Variants in SNW1 observed in about 807,000 individuals in gnomAD.
SNW1 encodes SNW domain-containing protein 1.
SNW1 carries 9 observed loss-of-function variants against 75.6 expected under a neutral mutation model. The ratio of observed to expected loss-of-function variants is 0.12; its 90% CI spans 0.07 to 0.21. The LOEUF (loss-of-function observed/expected upper bound fraction) is 0.21, where lower values mean the gene tolerates loss of function less well. Among genes scored for constraint, SNW1 ranks in the 10% least tolerant of loss-of-function variants. The pLI, the probability that SNW1 is intolerant of heterozygous loss-of-function variation, is 1.00. For synonymous variants in SNW1, 200 were observed against 219.1 expected, an observed-to-expected ratio of 0.91 and a Z score of 0.77; for missense variants, 409 against 670.9, an observed-to-expected ratio of 0.61 and a Z score of 4.31.
intron 8 of SNW1, among the ~76,000 whole-genome samples, chr14:77,732,810 G>A (rs1462525392): frequency 7.9e-5 from 12 of 152,276 alleles, no homozygotes; most frequent in African/African-American, 2.9e-4. Context: ...GACCATAGGC[G>A]TGCGCCACAC....
chr14:77,722,342 T>C lies in SNW1; in HGVS notation c.1130+839A>G, dbSNP rs1391696957. 10 of 313,972 alleles carry C rather than the reference T, an allele frequency of 3.2e-5. No individual in the cohort carries two copies. In the East Asian group the frequency reaches 7.7e-4, roughly 24 times the overall value. 19.4% of individuals were successfully genotyped at this position (313,972 alleles called of 1,614,324 possible). A position where few individuals can be genotyped will look rare whatever the true frequency, so the allele number is the denominator to read the frequency against. ...TGCTTTGCAAATTTTCTCAAATTAT[T>C]TTATGGATAGCTCTGTCTTTCTGAA... On this transcript the variant is annotated intron_variant, in intron 11 of 13. Coordinates refer to ENST00000261531, the MANE Select transcript of SNW1 (RefSeq NM_012245.3).
rs780287550 is a variant in SNW1, at chr14:77,751,361, A to T, written c.288T>A (p.Ile96=). 6.2e-7 allele frequency: 1 copy of T among 1,613,788 alleles called. No individual in the cohort carries two copies. The highest frequency in any genetic ancestry group is 1.1e-5 in the South Asian group (1 of 90,984). ...CTTGTCGAGCAATTGCATCATATTT[A>T]ATTTTTCCTTCAGAATCCACCTGAA... The part of the protein sequence containing the change: ...LAIQVDSEGK[I]KYDAIARQGQ... The change falls in exon 3 of 14, where the codon ATT becomes ATA. Residue 96 remains isoleucine (I), a synonymous_variant. Coordinates refer to ENST00000261531, the MANE Select transcript of SNW1 (RefSeq NM_012245.3).
chr14:77,738,803 T>G lies in SNW1; in HGVS notation c.508A>C (p.Lys170Gln). 6.2e-7 allele frequency: 1 copy of G among 1,614,166 alleles called. No individual in the cohort carries two copies. Among genetic ancestry groups the G allele is most frequent in the East Asian group, 2.2e-5 (1 of 44,884 alleles). ...AAAMPVRAAD[K>Q]LAPAQYIRYT... ...CGGATATACTGAGCAGGAGCCAATT[T>G]GTCAGCTGCTCGAACTGGCATGGCT... is the stretch of plus-strand genomic sequence containing the variant. Residue 170 changes from lysine (K) to glutamine (Q), a missense_variant, in exon 5 of 14, where the codon AAA (lysine) becomes CAA (glutamine). This residue lies in a region of SNW1 where 70 missense variants were observed against 136.7 expected (regional missense o/e 0.51). Coordinates refer to ENST00000261531, the MANE Select transcript of SNW1 (RefSeq NM_012245.3).
chr14:77,749,286 G>A (rs182166311), intron 3 of SNW1, among the ~76,000 whole-genome samples: 7 of 152,330 alleles, frequency 4.6e-5, no homozygotes, highest in Admixed American at 4.6e-4. Flanking sequence ...TGTGTTAAGA[G>A]ACTTTTGCCA....
At chr14:77,756,421 G>A (rs923414277) in intron 1 of SNW1, among the ~76,000 whole-genome samples, 6 of 152,084 alleles carry the variant, frequency 3.9e-5, no homozygotes, top group African/African-American at 7.2e-5. Flanking sequence ...GAGCCACCAC[G>A]CCTGGCTACT....
chr14:77,739,144 C>T, intron 3 of SNW1, 83 bp from the exon 4 acceptor site: 1 of 901,726 alleles, frequency 1.1e-6, no homozygotes, highest in Non-Finnish European at 1.8e-6. Flanking sequence ...GTCAACATGC[C>T]CTCTCAGCAC....
At chr14:77,718,621 G>A (rs968545003) in intron 12 of SNW1, 91 bp from the exon 13 acceptor site, 1 of 781,548 alleles carries the variant, frequency 1.3e-6, no homozygotes, top group Non-Finnish European at 2.0e-6. Flanking sequence ...CCTTGCTAAT[G>A]TACAGCTCAC....
chr14:77,736,316 G>A (rs537844447), intron 6 of SNW1, among the ~76,000 whole-genome samples: 1 of 152,174 alleles, frequency 6.6e-6, no homozygotes, highest in African/African-American at 2.4e-5. Context: ...GGGAGGCCAA[G>A]GTGGGCAGAT....
At chr14:77,721,318 A>G (rs1303201007) in intron 11 of SNW1, among the ~76,000 whole-genome samples, 1 of 152,222 alleles carries the variant, frequency 6.6e-6, no homozygotes, top group Non-Finnish European at 1.5e-5. Flanking sequence ...GATTTTTGAC[A>G]TTCAGATTAA....
intron 3 of SNW1, among the ~76,000 whole-genome samples, chr14:77,751,090 G>T (rs1439525640): frequency 1.3e-5 from 2 of 152,016 alleles, no homozygotes; most frequent in African/African-American, 4.8e-5. Flanking sequence ...TTAAAACAAG[G>T]TATTGCCACC....
At chr14:77,761,015 C>A in intron 1 of SNW1, 99 bp downstream of exon 1, 1 of 1,613,894 alleles carries the variant, frequency 6.2e-7, no homozygotes, top group Non-Finnish European at 8.5e-7. Context: ...TCATTCTGTG[C>A]CCCGGGTCAG....
intron 10 of SNW1, among the ~76,000 whole-genome samples, chr14:77,725,279 C>A (rs964703634): frequency 6.6e-6 from 1 of 152,196 alleles, no homozygotes; most frequent in Admixed American, 6.5e-5. Context: ...TTCTTCCATT[C>A]TGTAGGTGGC....
At chr14:77,732,426 G>A in intron 9 of SNW1, 59 bp downstream of exon 9, 1 of 944,316 alleles carries the variant, frequency 1.1e-6, no homozygotes, top group Non-Finnish European at 1.7e-6. Flanking sequence ...AGTACCTTAG[G>A]TAACCAAGAA....
rs900611540 is a variant in SNW1, at chr14:77,717,709, C to T, written c.*379G>A. ...TAGGGGCAAAATTTATTTGGCAGGA[C>T]AGTTCCAGTATGTGAACATCTTCCT... On this transcript the variant is annotated 3_prime_UTR_variant, in exon 14 of 14. Coordinates refer to ENST00000261531, the MANE Select transcript of SNW1 (RefSeq NM_012245.3). 1.4e-6 allele frequency: 1 copy of T among 690,660 alleles called. No individual in the cohort carries two copies. Among genetic ancestry groups the T allele is most frequent in the Admixed American group, 2.7e-5 (1 of 37,140 alleles). The allele number at this position is 690,660 out of a possible 1,614,324, so 42.8% of individuals were successfully genotyped here.
intron 11 of SNW1, among the ~76,000 whole-genome samples, chr14:77,721,649 A>ACTTT (rs1359627832): frequency 1.1e-4 from 16 of 151,808 alleles, no homozygotes; most frequent in African/African-American, 3.7e-4. Context: ...CTCAAGAGTA[A>ACTTT]GAGTCTTTGC....
intron 5 of SNW1, 174 bp downstream of exon 5, chr14:77,738,604 C>T: frequency 1.7e-6 from 1 of 602,464 alleles, no homozygotes. Flanking sequence ...CCAAAGTGGA[C>T]ACCTTAAAAA....
At chr14:77,748,171 C>T (rs955846680) in intron 3 of SNW1, among the ~76,000 whole-genome samples, 2 of 152,270 alleles carry the variant, frequency 1.3e-5, no homozygotes, top group East Asian at 1.9e-4. Flanking sequence ...GGATTAAGGG[C>T]GGTGCAAGAT....
At chr14:77,749,897 C>T (rs1275321558) in intron 3 of SNW1, among the ~76,000 whole-genome samples, 1 of 151,970 alleles carries the variant, frequency 6.6e-6, no homozygotes, top group Non-Finnish European at 1.5e-5. Context: ...ATCCAGAATA[C>T]ATATGGCAAG....
At chr14:77,730,378 T>C (rs533930103) in intron 10 of SNW1, among the ~76,000 whole-genome samples, 25 of 152,254 alleles carry the variant, frequency 1.6e-4, no homozygotes, top group African/African-American at 2.9e-4. Context: ...AAAGAGAACC[T>C]TGCACACAGC....
Sources: allele counts gnomAD v4.1 joint callset (sites outside exome capture counted in the v4.1 genomes callset), GRCh38; gene constraint gnomAD v4.1.1; regional missense constraint gnomAD v4.1.1; transcripts MANE v1.5; gene names NCBI Gene and HGNC (gene_info 2026-07-23, HGNC 2026-07-21).